The following MYLK variants were observed in gnomAD, a reference collection of about 807,000 sequenced individuals.
The protein encoded by MYLK is myosin light chain kinase.
MYLK carries 106 observed loss-of-function variants against 203.4 expected under a neutral mutation model. The observed-to-expected ratio is 0.52, with a 90% CI of 0.45 to 0.61. The LOEUF (loss-of-function observed/expected upper bound fraction) is 0.61, where lower values mean the gene tolerates loss of function less well. MYLK is among the 20% of genes least tolerant of loss of function. MYLK has a pLI of 0.00. For missense variants in MYLK, 2,072 were observed against 2,442.3 expected, an observed-to-expected ratio of 0.85 and a Z score of 3.20; for synonymous variants, 867 against 959.5, an observed-to-expected ratio of 0.90 and a Z score of 1.78.
At chr3:123,803,228 G>A (rs761117687) in intron 3 of MYLK, among the ~76,000 whole-genome samples, 17 of 152,212 alleles carry the variant, frequency 1.1e-4, no homozygotes, top group Admixed American at 5.9e-4. Context: ...GGTCAGCAAC[G>A]TGCATAAAAA....
At chr3:123,793,500 C>T (rs538763194) in intron 4 of MYLK, among the ~76,000 whole-genome samples, 177 bp downstream of exon 4, 34 of 152,278 alleles carry the variant, frequency 2.2e-4, no homozygotes, top group African/African-American at 7.9e-4. Flanking sequence ...CCAGCACAGA[C>T]CAAAGCCCAT....
In MYLK at chr3:123,645,406, A is replaced by G. The variant is rs2058980278; in HGVS notation, c.4619+1818T>C. On this transcript the variant is annotated intron_variant, in intron 27 of 33. Coordinates refer to ENST00000360304, the MANE Select transcript of MYLK (RefSeq NM_053025.4). ...AATGTTAATGGCATGAGGGGAGAGAAAAGACTAATATTCCACTCATATCTA... is the reference window on the plus strand; with the variant it reads ...AATGTTAATGGCATGAGGGGAGAGAGAAGACTAATATTCCACTCATATCTA... Among the ~76,000 whole-genome samples, 3 of 152,194 alleles carry G rather than the reference A, an allele frequency of 2.0e-5. No homozygotes were observed. The South Asian group carries it at 6.2e-4, about 32-fold the overall frequency.
At chr3:123,702,006 C>A (rs921351222) in intron 16 of MYLK, among the ~76,000 whole-genome samples, 6 of 152,214 alleles carry the variant, frequency 3.9e-5, no homozygotes, top group Admixed American at 6.5e-5. Flanking sequence ...TTAACCCCCA[C>A]TCATTGATAA....
chr3:123,654,862 G>T (rs1036171542), intron 24 of MYLK, among the ~76,000 whole-genome samples: 1 of 151,732 alleles, frequency 6.6e-6, no homozygotes, highest in Admixed American at 6.6e-5. Context: ...GACCACAGGC[G>T]CATGCCACCA....
intron 19 of MYLK, among the ~76,000 whole-genome samples, chr3:123,686,506 G>A (rs1271120835): frequency 6.6e-6 from 1 of 152,114 alleles, no homozygotes; most frequent in African/African-American, 2.4e-5. Context: ...AGAGGGGCTG[G>A]GCTCCAGCCT....
chr3:123,813,695 GA>G (rs1442373321), intron 3 of MYLK, among the ~76,000 whole-genome samples: 1 of 152,044 alleles, frequency 6.6e-6, no homozygotes, highest in Non-Finnish European at 1.5e-5. Flanking sequence ...ATTTTTAGTA[GA>G]GACGGGGTTT....
At chr3:123,734,380 T>G in intron 9 of MYLK, 158 bp from the exon 10 acceptor site, 1 of 728,256 alleles carries the variant, frequency 1.4e-6, no homozygotes, top group Non-Finnish European at 2.1e-6. Context: ...CTCTGCAGTT[T>G]GCCCAGTTTC....
intron 16 of MYLK, among the ~76,000 whole-genome samples, chr3:123,702,566 C>G (rs2061286190): frequency 1.3e-5 from 2 of 152,240 alleles, no homozygotes; most frequent in African/African-American, 4.8e-5. Context: ...CACTAGCACT[C>G]AGACCCAATA....
chr3:123,734,247 A>AG, intron 9 of MYLK, 25 bp from the exon 10 acceptor site: 2 of 487,148 alleles, frequency 4.1e-6, no homozygotes, highest in Non-Finnish European at 7.2e-6. Context: ...GGGTGGGGGT[A>AG]GGGTGGGTGA....
At chr3:123,865,817 C>A (rs2682220) in intron 2 of MYLK, among the ~76,000 whole-genome samples, 9 of 152,208 alleles carry the variant, frequency 5.9e-5, no homozygotes, top group African/African-American at 2.2e-4. Flanking sequence ...CAACAGAGTA[C>A]GGCAAAAAGC....
At chr3:123,682,401 T>C in intron 19 of MYLK, 91 bp from the exon 20 acceptor site, 1 of 1,049,354 alleles carries the variant, frequency 9.5e-7, no homozygotes, top group South Asian at 1.4e-5. Context: ...TCAGCCAAAC[T>C]CCTCCCCAAC....
intron 31 of MYLK, chr3:123,624,904 G>A (rs924892318): frequency 1.3e-5 from 2 of 152,228 alleles, no homozygotes; most frequent in African/African-American, 2.4e-5. Flanking sequence ...CAACCTCTGA[G>A]TGACACTCTA....
chr3:123,825,075 G>A (rs1553858703), intron 3 of MYLK, among the ~76,000 whole-genome samples: 1 of 151,226 alleles, frequency 6.6e-6, no homozygotes, highest in Non-Finnish European at 1.5e-5. Context: ...AACCTGAGAG[G>A]TCGAGGCTGC....
chr3:123,744,465 A>C (rs1038300768), intron 5 of MYLK, among the ~76,000 whole-genome samples: 1 of 152,252 alleles, frequency 6.6e-6, no homozygotes, highest in Non-Finnish European at 1.5e-5. Context: ...GAAAGAAGAA[A>C]ATAACTTTAA....
intron 4 of MYLK, among the ~76,000 whole-genome samples, chr3:123,756,063 C>A (rs2063349391): frequency 6.6e-6 from 1 of 152,102 alleles, no homozygotes; most frequent in South Asian, 2.1e-4. Flanking sequence ...AGAAAAGAGG[C>A]CTGGAGAAGT....
chr3:123,775,519 T>C (rs920211202), intron 4 of MYLK, among the ~76,000 whole-genome samples: 9 of 152,244 alleles, frequency 5.9e-5, no homozygotes, highest in African/African-American at 2.2e-4. Context: ...GTACAGTAGA[T>C]GTGGCACCTG....
rs1217078588 is a variant in MYLK at position 123,614,194 on chromosome 3, T to C, written c.5656A>G (p.Asn1886Asp). 1 of 1,614,146 alleles carries C rather than the reference T, an allele frequency of 6.2e-7. No homozygotes were observed. Among genetic ancestry groups the C allele is most frequent in the Admixed American group, 1.7e-5 (1 of 60,018 alleles). Residue 1886 changes from asparagine (N) to aspartate (D), a missense_variant, in exon 34 of 34, where the codon AAC becomes GAC. By Grantham distance (23) the Asn-to-Asp change is conservative (BLOSUM62 1). This residue lies in a region of MYLK where 524 missense variants were observed against 782.4 expected (regional missense o/e 0.67). Coordinates refer to ENST00000360304, the MANE Select transcript of MYLK (RefSeq NM_053025.4). Reference protein sequence around the residue: ...DDAKYTCKAVNSLGEATCTAE... With the variant: ...DDAKYTCKAVDSLGEATCTAE... ...GTGCAGGTGGCTTCTCCAAGACTGT[T>C]GACAGCCTTGCAGGTGTACTTGGCA...
chr3:123,677,095 C>T (rs540126160), intron 20 of MYLK, among the ~76,000 whole-genome samples: 1 of 152,358 alleles, frequency 6.6e-6, no homozygotes, highest in Non-Finnish European at 1.5e-5. Context: ...TGCTTAAGGC[C>T]TCTTTCCCTC....
chr3:123,702,651 T>C (rs2061289430), intron 16 of MYLK, among the ~76,000 whole-genome samples: 1 of 152,152 alleles, frequency 6.6e-6, no homozygotes, highest in Admixed American at 6.6e-5. Flanking sequence ...TCTGTGAGAT[T>C]AGAGTCACCA....
Sources: allele counts gnomAD v4.1 joint callset (sites outside exome capture counted in the v4.1 genomes callset), GRCh38; gene constraint gnomAD v4.1.1; regional missense constraint gnomAD v4.1.1; transcripts MANE v1.5; gene names NCBI Gene and HGNC (gene_info 2026-07-23, HGNC 2026-07-21).